CDH12: variants seen among roughly 807,000 people sequenced by gnomAD.
CDH12 encodes cadherin 12, also known as cadherin-12.
Under a neutral mutation model 74.1 loss-of-function variants are expected in CDH12, and 41 were observed. The observed-to-expected ratio is 0.55, with a 90% CI of 0.43 to 0.72. CDH12 has a LOEUF of 0.72. Ranked by LOEUF, CDH12 falls within the 30% of genes least tolerant of loss-of-function variation. The pLI, the probability that CDH12 is intolerant of heterozygous loss-of-function variation, is 0.00. For synonymous variants in CDH12, 399 were observed against 355.0 expected, an observed-to-expected ratio of 1.12 and a Z score of -1.39; for missense variants, 945 against 977.2, an observed-to-expected ratio of 0.97 and a Z score of 0.44.
At chr5:22,364,777 T>C (rs1740960926) in intron 3 of CDH12, among the ~76,000 whole-genome samples, 1 of 152,200 alleles carries the variant, frequency 6.6e-6, no homozygotes, top group African/African-American at 2.4e-5. Flanking sequence ...AATTTATGAA[T>C]TTTATCTGTG....
At chr5:22,537,990 T>C (rs1464660094) in intron 1 of CDH12, among the ~76,000 whole-genome samples, 1 of 152,184 alleles carries the variant, frequency 6.6e-6, no homozygotes, top group East Asian at 1.9e-4. Context: ...CAACCTTATA[T>C]AGAAAAAGAT....
At chr5:22,276,926 C>A (rs34771950) in intron 3 of CDH12, among the ~76,000 whole-genome samples, 64,460 of 152,042 alleles carry the variant, frequency 0.42, 14,635 homozygotes, top group Admixed American at 0.53. Context: ...ATAGTATGCT[C>A]ATTTTATAGA....
intron 7 of CDH12, among the ~76,000 whole-genome samples, chr5:21,851,056 G>A (rs1750439956): frequency 6.6e-6 from 1 of 150,986 alleles, no homozygotes; most frequent in Non-Finnish European, 1.5e-5. Context: ...ATTTTACCAT[G>A]ATAGGAAAAA....
At chr5:22,614,529 T>C (rs1228136213) in intron 1 of CDH12, among the ~76,000 whole-genome samples, 3 of 39,946 alleles carry the variant, frequency 7.5e-5, no homozygotes, top group Non-Finnish European at 1.5e-4. Flanking sequence ...ATGAGTTAAT[T>C]TGTGGAAACA....
At chr5:22,830,391 G>C (rs917122119) in intron 1 of CDH12, among the ~76,000 whole-genome samples, 1 of 151,942 alleles carries the variant, frequency 6.6e-6, no homozygotes, top group African/African-American at 2.4e-5. Context: ...TTACAGCATA[G>C]TTCATGAATA....
intron 2 of CDH12, among the ~76,000 whole-genome samples, chr5:22,483,757 T>TAC (rs1746476200): frequency 2.1e-5 from 2 of 93,062 alleles, no homozygotes; most frequent in Non-Finnish European, 4.4e-5. Flanking sequence ...ACTATATATA[T>TAC]ATATATAAAT....
intron 1 of CDH12, among the ~76,000 whole-genome samples, chr5:22,608,134 C>T (rs1737211407): frequency 6.6e-6 from 1 of 152,254 alleles, no homozygotes; most frequent in South Asian, 2.1e-4. Flanking sequence ...GCACCATGTG[C>T]CTGTAAAAGC....
intron 1 of CDH12, among the ~76,000 whole-genome samples, chr5:22,604,357 C>T (rs574983138): frequency 6.6e-6 from 1 of 152,254 alleles, no homozygotes; most frequent in Non-Finnish European, 1.5e-5. Flanking sequence ...ATTCTTAACA[C>T]CAAACATTCC....
rs566507015 is a variant in CDH12 at position 21,936,161 on chromosome 5, C to T, written c.526+38930G>A. On this transcript the variant is annotated intron_variant, in intron 6 of 14. Transcript: ENST00000382254. ...AGCTCAATTTTTGCTTTTTGAGAAA[C>T]CTCCAGACTGTTCTCCTTAAGGGTC... 3.2e-3 allele frequency among the ~76,000 whole-genome samples: 489 copies of T among 152,178 alleles called. 3 individuals are homozygous for T. The highest frequency in any genetic ancestry group is 0.011 in the African/African-American group (452 of 41,506).
chr5:22,689,446 A>G (rs1741970626), intron 1 of CDH12, among the ~76,000 whole-genome samples: 1 of 152,182 alleles, frequency 6.6e-6, no homozygotes, highest in South Asian at 2.1e-4. Flanking sequence ...TACATCTTTG[A>G]AGACTTTTCC....
intron 3 of CDH12, among the ~76,000 whole-genome samples, chr5:22,248,189 A>C (rs1325454530): frequency 6.6e-6 from 1 of 152,146 alleles, no homozygotes; most frequent in East Asian, 1.9e-4. Flanking sequence ...AATCCCAGCT[A>C]CTTGGGAGGC....
intron 3 of CDH12, among the ~76,000 whole-genome samples, chr5:22,306,147 A>G (rs987152673): frequency 2.6e-5 from 4 of 151,830 alleles, no homozygotes; most frequent in South Asian, 2.1e-4. Context: ...CCCCTCTACT[A>G]CAAGAACCCT....
chr5:21,863,438 T>C (rs1201865851), intron 6 of CDH12, among the ~76,000 whole-genome samples: 2 of 152,196 alleles, frequency 1.3e-5, no homozygotes, highest in Non-Finnish European at 2.9e-5. Flanking sequence ...TTTCTTACTA[T>C]AGTAAAACAA....
intron 1 of CDH12, among the ~76,000 whole-genome samples, chr5:22,672,538 G>T (rs1740959377): frequency 6.6e-6 from 1 of 152,032 alleles, no homozygotes; most frequent in Non-Finnish European, 1.5e-5. Context: ...TCCTGTGCTT[G>T]CTTCCACCAT....
At chr5:22,631,918 A>G (rs1174296865) in intron 1 of CDH12, among the ~76,000 whole-genome samples, 1 of 152,096 alleles carries the variant, frequency 6.6e-6, no homozygotes, top group African/African-American at 2.4e-5. Flanking sequence ...CCATTTATGA[A>G]GGATGTAACC....
chr5:22,787,595 G>A (rs1246107099), intron 1 of CDH12, among the ~76,000 whole-genome samples: 2 of 149,996 alleles, frequency 1.3e-5, no homozygotes, highest in East Asian at 1.9e-4. Context: ...TTTTAATAAT[G>A]TTTTATTTTT....
intron 4 of CDH12, among the ~76,000 whole-genome samples, chr5:22,093,744 A>G (rs774147556): frequency 1.3e-5 from 2 of 152,144 alleles, no homozygotes; most frequent in Non-Finnish European, 2.9e-5. Flanking sequence ...TGAATTCCAT[A>G]CTTTAAATAG....
intron 3 of CDH12, among the ~76,000 whole-genome samples, chr5:22,291,375 G>A (rs1171229528): frequency 6.6e-6 from 1 of 152,080 alleles, no homozygotes; most frequent in Non-Finnish European, 1.5e-5. Flanking sequence ...AATTATGCAA[G>A]AGAAAGAAAT....
intron 4 of CDH12, among the ~76,000 whole-genome samples, chr5:22,132,456 G>A (rs1393489139): frequency 2.6e-5 from 4 of 152,078 alleles, no homozygotes; most frequent in African/African-American, 9.6e-5. Flanking sequence ...ACGATTTTAA[G>A]ATGTTGCTGT....
Sources: allele counts gnomAD v4.1 joint callset (sites outside exome capture counted in the v4.1 genomes callset), GRCh38; gene constraint gnomAD v4.1.1; transcripts MANE v1.5; gene names NCBI Gene and HGNC (gene_info 2026-07-23, HGNC 2026-07-21).